Variants in BPNT1 observed in about 807,000 individuals in gnomAD.
BPNT1 encodes the protein 3'(2'),5'-bisphosphate nucleotidase 1.
A neutral mutation model predicts 36.9 loss-of-function variants in BPNT1; 28 were observed. The ratio of observed to expected loss-of-function variants is 0.76; its 90% CI spans 0.56 to 1.04. BPNT1 has a LOEUF of 1.04. Ranked by LOEUF, BPNT1 falls within the 50% of genes least tolerant of loss-of-function variation. BPNT1 has a pLI of 0.00. For missense variants in BPNT1, 313 were observed against 372.9 expected (o/e 0.84, Z 1.32); for synonymous variants, 119 against 130.9 (o/e 0.91, Z 0.62).
chr1:220,062,849 T>A lies in BPNT1; in HGVS notation c.580A>T (p.Thr194Ser). Residue 194 changes from threonine to serine, a missense_variant, in exon 7 of 9, where the codon ACT (threonine) becomes TCT (serine). By Grantham distance (58) the Thr-to-Ser change is moderately conservative (BLOSUM62 1). Coordinates refer to ENST00000322067, the MANE Select transcript of BPNT1 (RefSeq NM_006085.6). ...EVPAGKHIIT[T>S]TRSHSNKLVT... Reference sequence around the variant, plus strand: ...AACTTGTTGCTATGGGATCGAGTAGTTGTGATAATGTGTTTCCCAGCAGGG... The same window carrying A: ...AACTTGTTGCTATGGGATCGAGTAGATGTGATAATGTGTTTCCCAGCAGGG... 1 of 1,614,016 alleles carries A rather than the reference T, an allele frequency of 6.2e-7. No individual in the cohort carries two copies.
At chr1:220,076,518 A>G (rs987795659) in intron 2 of BPNT1, among the ~76,000 whole-genome samples, 6 of 145,534 alleles carry the variant, frequency 4.1e-5, no homozygotes, top group Non-Finnish European at 7.5e-5. Context: ...AAAAAAAAAA[A>G]GGCAAAAAAA....
chr1:220,077,836 A>T (rs1019189290), intron 2 of BPNT1, among the ~76,000 whole-genome samples: 3 of 152,148 alleles, frequency 2.0e-5, no homozygotes, highest in Non-Finnish European at 4.4e-5. Flanking sequence ...CACTTGGAAG[A>T]AATTACAATA....
rs917935310 is a variant in BPNT1 at position 220,058,701 on chromosome 1, T to C, written c.*143A>G. 120 of 861,458 alleles carry C rather than the reference T, an allele frequency of 1.4e-4. No individual in the cohort carries two copies. The highest frequency in any genetic ancestry group is 2.0e-4 in the Non-Finnish European group (116 of 578,942). The allele number at this position is 861,458 out of a possible 1,614,324, so 53.4% of individuals were successfully genotyped here. A position where few individuals can be genotyped will look rare whatever the true frequency, so the allele number is the denominator to read the frequency against. On this transcript the variant is annotated 3_prime_UTR_variant, in exon 9 of 9. Transcript: ENST00000322067. Reference sequence around the variant, plus strand: ...CGCATGACAGGATGCCCAGTTAATTTGTATTTTTGTAGAGATGGGGTCTCA... The same window carrying C: ...CGCATGACAGGATGCCCAGTTAATTCGTATTTTTGTAGAGATGGGGTCTCA...
At chr1:220,087,339 G>A (rs554804862) in intron 1 of BPNT1, among the ~76,000 whole-genome samples, 7 of 152,148 alleles carry the variant, frequency 4.6e-5, no homozygotes, top group East Asian at 1.9e-4. Context: ...GGCGGATGAC[G>A]AGGTCAGGAG....
At chr1:220,059,559 ATCTCTAAGCTGCCT>A in intron 8 of BPNT1, 113 bp downstream of exon 8, 1 of 675,948 alleles carries the variant, frequency 1.5e-6, no homozygotes, top group Admixed American at 3.5e-5. Context: ...GGACTGGATA[ATCTCTAAGCTGCCT>A]TCTAGCTTTT....
At position 220,072,878 on chromosome 1, in the gene BPNT1, G is replaced by C. The variant is rs574895553; in HGVS notation, c.305C>G (p.Ser102Trp). 1.2e-6 allele frequency: 2 copies of C among 1,613,896 alleles called. No homozygotes were observed. Among genetic ancestry groups the C allele is most frequent in the Non-Finnish European group, 1.7e-6 (2 of 1,179,894 alleles). The change falls in exon 4 of 9, where the codon TCG becomes TGG. Residue 102 changes from serine (S) to tryptophan (W), a missense_variant. Ser to Trp is a radical substitution (Grantham distance 177). Coordinates refer to ENST00000322067, the MANE Select transcript of BPNT1 (RefSeq NM_006085.6). ...TTCTTCTTTAATAGCACTGTACTGC[G>C]ATGGGCATGGTTGCTTCAGTATTTC... ...WEEILKQPCP[S>W]QYSAIKEEDL... is the part of the protein sequence containing the mutation.
rs1664943145 is a variant in BPNT1 at position 220,079,836 on chromosome 1, C to T, written c.11G>A (p.Ser4Asn). The change falls in exon 2 of 9, where the codon AGT becomes AAT. Residue 4 changes from serine (S) to asparagine (N), a missense_variant. Ser to Asn is a conservative substitution (Grantham distance 46). Coordinates refer to ENST00000322067, the MANE Select transcript of BPNT1 (RefSeq NM_006085.6). Reference sequence around the variant, plus strand: ...TACCAACCGCATCAACACAGTGTTACTGGAAGCCATGGTACACTCTAAAAA... The same window carrying T: ...TACCAACCGCATCAACACAGTGTTATTGGAAGCCATGGTACACTCTAAAAA... MAS[S>N]NTVLMRLVAS... is the part of the protein sequence containing the mutation. 1 of 1,613,962 alleles carries T rather than the reference C, an allele frequency of 6.2e-7. No individual in the cohort carries two copies. Among genetic ancestry groups the T allele is most frequent in the Admixed American group, 1.7e-5 (1 of 60,000 alleles).
intron 2 of BPNT1, among the ~76,000 whole-genome samples, chr1:220,078,668 G>A (rs572854770): frequency 6.6e-6 from 1 of 150,824 alleles, no homozygotes; most frequent in African/African-American, 2.4e-5. Context: ...TGTGATCTCA[G>A]CTCACTGCAA....
chr1:220,058,580 G>A lies in BPNT1; in HGVS notation c.*264C>T. 1 of 877,460 alleles carries A rather than the reference G, an allele frequency of 1.1e-6. No individual in the cohort carries two copies. Among genetic ancestry groups the A allele is most frequent in the Non-Finnish European group, 1.4e-6 (1 of 703,428 alleles). The allele number at this position is 877,460 out of a possible 1,614,324, so 54.4% of individuals were successfully genotyped here. On this transcript the variant is annotated 3_prime_UTR_variant, in exon 9 of 9. Transcript: ENST00000322067. ...GGGCTTAACTCCTGTCACTCAGGCT[G>A]GAGTGCAGTGGCACGATCTCAGCTC...
At chr1:220,074,918 A>G (rs1204321419) in intron 2 of BPNT1, among the ~76,000 whole-genome samples, 2 of 152,228 alleles carry the variant, frequency 1.3e-5, no homozygotes, top group Non-Finnish European at 2.9e-5. Flanking sequence ...GTGAAAGAGA[A>G]AAGTTTTGCA....
At chr1:220,073,266 G>A (rs2102697290) in intron 3 of BPNT1, among the ~76,000 whole-genome samples, 1 of 152,174 alleles carries the variant, frequency 6.6e-6, no homozygotes, top group South Asian at 2.1e-4. Context: ...TATTACATGA[G>A]ATGTCAGTTC....
chr1:220,059,857 T>C (rs1375063629), intron 7 of BPNT1, 66 bp from the exon 8 acceptor site: 1 of 1,263,194 alleles, frequency 7.9e-7, no homozygotes, highest in African/African-American at 1.5e-5. Flanking sequence ...CATGAAAAGA[T>C]TGAGGTACAG....
At chr1:220,070,188 T>A (rs1461917703) in intron 4 of BPNT1, among the ~76,000 whole-genome samples, 1 of 152,172 alleles carries the variant, frequency 6.6e-6, no homozygotes, top group African/African-American at 2.4e-5. Flanking sequence ...GAAAAATGAA[T>A]AATAAAACTG....
intron 4 of BPNT1, among the ~76,000 whole-genome samples, chr1:220,072,583 G>T (rs1018286479): frequency 6.6e-6 from 1 of 152,132 alleles, no homozygotes; most frequent in East Asian, 1.9e-4. Context: ...CCAGAGTGCT[G>T]GGATTACAGG....
intron 5 of BPNT1, among the ~76,000 whole-genome samples, chr1:220,068,300 C>T (rs1025991151): frequency 6.6e-6 from 1 of 152,068 alleles, no homozygotes; most frequent in Non-Finnish European, 1.5e-5. Context: ...TCTCCTGCCT[C>T]AGCCCCACAA....
In BPNT1 at chr1:220,088,683, G is replaced by T. The variant is rs373091934; in HGVS notation, c.-9+1003C>A. ...CACATGCCTGTAGTCCCAGCTGCTCGGGAGGCTGAGGTGGGAGAATCACCA... is the reference window on the plus strand; with the variant it reads ...CACATGCCTGTAGTCCCAGCTGCTCTGGAGGCTGAGGTGGGAGAATCACCA... On this transcript the variant is annotated intron_variant, in intron 1 of 8. Coordinates refer to ENST00000322067, the MANE Select transcript of BPNT1 (RefSeq NM_006085.6). Among the ~76,000 whole-genome samples the T allele has an allele frequency of 1.1e-4, 16 of 151,188 alleles. No individual in the cohort carries two copies. In the East Asian group the frequency reaches 1.8e-3, roughly 17 times the overall value.
At chr1:220,076,353 T>A (rs1664543565) in intron 2 of BPNT1, among the ~76,000 whole-genome samples, 1 of 151,690 alleles carries the variant, frequency 6.6e-6, no homozygotes, top group South Asian at 2.1e-4. Flanking sequence ...ACAAAAAAAT[T>A]AGCTGGGTGT....
intron 5 of BPNT1, among the ~76,000 whole-genome samples, chr1:220,068,161 TATC>T (rs1480812576): frequency 6.6e-6 from 1 of 152,148 alleles, no homozygotes; most frequent in Non-Finnish European, 1.5e-5. Context: ...AATTTAATTT[TATC>T]ATCATCATCA....
rs189723470 is a variant in BPNT1, at chr1:220,076,127, G to C, written c.121-2056C>G. 3.3e-3 allele frequency among the ~76,000 whole-genome samples: 508 copies of C among 152,194 alleles called. 3 individuals are homozygous for C. The highest frequency in any genetic ancestry group is 0.012 in the African/African-American group (496 of 41,550). On this transcript the variant is annotated intron_variant, in intron 2 of 8. Coordinates refer to ENST00000322067, the MANE Select transcript of BPNT1 (RefSeq NM_006085.6). Reference sequence around the variant, plus strand: ...CTCATGCCTGTAATCCGAGCACTTTGGGAGGCCGAGGCAGGTAGATCACAA... The same window carrying C: ...CTCATGCCTGTAATCCGAGCACTTTCGGAGGCCGAGGCAGGTAGATCACAA...
Sources: gnomAD v4.1 joint callset for allele counts (sites outside exome capture counted in the v4.1 genomes callset) on GRCh38, gnomAD v4.1.1 for gene constraint, MANE v1.5 for transcripts, NCBI Gene and HGNC (gene_info 2026-07-23, HGNC 2026-07-21) for gene names.